Variants in SETD9 observed in about 807,000 individuals in gnomAD.
SETD9 encodes SET domain containing 9.
Under a neutral mutation model 36.4 loss-of-function variants are expected in SETD9, and 37 were observed. That is an observed-to-expected ratio of 1.02 (90% CI 0.78 to 1.34). The LOEUF is 1.34. SETD9 is among the 40% of genes most tolerant of loss of function. The pLI, the probability that SETD9 is intolerant of heterozygous loss-of-function variation, is 0.00. For synonymous variants in SETD9, 128 were observed against 132.9 expected, an observed-to-expected ratio of 0.96 and a Z score of 0.26; for missense variants, 323 against 353.2, an observed-to-expected ratio of 0.91 and a Z score of 0.69.
At position 56,911,192 on chromosome 5, in the gene SETD9, A is replaced by T. The variant is rs181384896; in HGVS notation, c.122A>T (p.Glu41Val). ...NPRTLRYVPE[E>V]SKDKVISDED... is the part of the protein sequence containing the mutation. ...AGGACCCTCCGATATGTTCCAGAGG[A>T]ATCCAAAGACAAAGTTATCTCAGAT... The change falls in exon 2 of 6, where the codon GAA (glutamate) becomes GTA (valine). Residue 41 changes from glutamate to valine, a missense_variant. Glu to Val is a moderately radical substitution (Grantham distance 121, BLOSUM62 -2). Transcript: ENST00000285947. 4.5e-6 allele frequency: 7 copies of T among 1,566,076 alleles called. No individual in the cohort carries two copies. The East Asian group carries it at 1.1e-4, about 25-fold the overall frequency.
At chr5:56,926,127 T>C (rs1749968702), downstream of SETD9, among the ~76,000 whole-genome samples, 1 of 151,988 alleles carries the variant, frequency 6.6e-6, no homozygotes. Context: ...TAAATGTAAA[T>C]GCAAAACTAT....
chr5:56,928,668 T>A, downstream of SETD9: 1 of 792,668 alleles, frequency 1.3e-6, no homozygotes, highest in Non-Finnish European at 2.0e-6. Context: ...TAAGGGAACA[T>A]TAGTAAGTTG....
downstream of SETD9, chr5:56,920,797 G>A (rs1018402012): frequency 6.6e-6 from 1 of 152,358 alleles, no homozygotes; most frequent in African/African-American, 2.4e-5. Flanking sequence ...AAAAAGATAT[G>A]AAGAATTTAC....
chr5:56,927,880 C>T (rs1274099542), downstream of SETD9: 2 of 152,234 alleles, frequency 1.3e-5, no homozygotes, highest in East Asian at 3.8e-4. Context: ...TCACTTCTCC[C>T]TCCTGCCTCG....
upstream of SETD9, chr5:56,909,345 C>T (rs1561214789): frequency 1.0e-5 from 3 of 291,486 alleles, no homozygotes; most frequent in Admixed American, 1.6e-4. Flanking sequence ...GGTGACCCTT[C>T]GCCCGCAACC....
downstream of SETD9, chr5:56,928,773 C>A: frequency 6.2e-7 from 1 of 1,610,296 alleles, no homozygotes; most frequent in Non-Finnish European, 8.5e-7. Flanking sequence ...TTACCTTATT[C>A]TTCTGTATAA....
chr5:56,920,924 C>G (rs1396133115), downstream of SETD9: 1 of 152,504 alleles, frequency 6.6e-6, no homozygotes, highest in Non-Finnish European at 1.5e-5. Context: ...ATTTAAAAAT[C>G]TATTAAACTA....
intron 3 of SETD9, 94 bp downstream of exon 3, chr5:56,913,228 T>G: frequency 7.2e-7 from 1 of 1,394,488 alleles, no homozygotes; most frequent in Non-Finnish European, 9.6e-7. Flanking sequence ...TTATTTATTT[T>G]TTATATAAAG....
rs369222962 is a variant in SETD9 at position 56,911,325 on chromosome 5, A to G, written c.255A>G (p.Lys85=). The change falls in exon 2 of 6, where the codon AAA becomes AAG. Residue 85 remains lysine (K), a synonymous_variant. Transcript: ENST00000285947. ...TGCTTCCAGAATCTGTTAAATCAAA[A>G]TATCAAGACCTACTGGCAGTTGAAC... ...LSMLPESVKS[K]YQDLLAVEHQ... 3 of 1,610,886 alleles carry G rather than the reference A, an allele frequency of 1.9e-6. No homozygotes were observed. The highest frequency in any genetic ancestry group is 2.5e-6 in the Non-Finnish European group (3 of 1,178,958).
downstream of SETD9, chr5:56,928,627 T>C (rs577718458): frequency 9.1e-6 from 5 of 548,164 alleles, no homozygotes; most frequent in South Asian, 9.5e-5. Context: ...CTGAGCAAAT[T>C]AGTCATGTTA....
chr5:56,918,498 C>A (rs536662738), downstream of SETD9, among the ~76,000 whole-genome samples: 3 of 152,326 alleles, frequency 2.0e-5, no homozygotes, highest in South Asian at 6.2e-4. Flanking sequence ...CTTCTAGTAA[C>A]AGATGTACTA....
exon 6 of SETD9, chr5:56,925,501 A>G (rs702679): frequency 0.54 from 138,275 of 255,178 alleles, 40,581 homozygotes; most frequent in Non-Finnish European, 0.65. Flanking sequence ...ACACAAGACC[A>G]TTTACATTAG....
At chr5:56,920,273 A>G (rs1038036928), downstream of SETD9, 1 of 152,610 alleles carries the variant, frequency 6.6e-6, no homozygotes, top group Non-Finnish European at 1.5e-5. Flanking sequence ...AAAAGCTAGC[A>G]TGAAAAAGAT....
At position 56,913,059 on chromosome 5, in the gene SETD9, A is replaced by G; in HGVS notation, c.515A>G (p.Asn172Ser). 6.2e-7 allele frequency: 1 copy of G among 1,614,024 alleles called. No individual in the cohort carries two copies. The highest frequency in any genetic ancestry group is 1.1e-5 in the South Asian group (1 of 91,080). The change falls in exon 3 of 6, where the codon AAT becomes AGT. Residue 172 changes from asparagine to serine, a missense_variant. By Grantham distance (46) the Asn-to-Ser change is conservative (BLOSUM62 1). Transcript: ENST00000285947. ...CCGATCTTTTTCCAGTCCATTGGAA[A>G]TCCGTTTATTTTTAGATGCCTGGAT... Reference protein sequence around the residue: ...YEPIFFQSIGNPFIFRCLDGV... With the variant: ...YEPIFFQSIGSPFIFRCLDGV...
chr5:56,915,892 G>T (rs1490103385), intron 5 of SETD9, among the ~76,000 whole-genome samples: 2 of 152,068 alleles, frequency 1.3e-5, no homozygotes, highest in African/African-American at 2.4e-5. Flanking sequence ...GACTTGGGAG[G>T]TGTATGTTGC....
In SETD9 at chr5:56,911,480, G is replaced by C. The variant is rs149334074; in HGVS notation, c.410G>C (p.Gly137Ala). Reference protein sequence around the residue: ...ATSSLISAGKGVFVTKGLVPK... With the variant: ...ATSSLISAGKAVFVTKGLVPK... ...AGCTCATTGATTTCTGCTGGAAAAG[G>C]TGTCTTCGTTACTAAAGGATTGGTA... Residue 137 changes from glycine to alanine, a missense_variant, in exon 2 of 6, where the codon GGT (glycine) becomes GCT (alanine). Physicochemically the swap from Gly to Ala is moderately conservative, Grantham distance 60. Transcript: ENST00000285947. 11 of 1,605,464 alleles carry C rather than the reference G, an allele frequency of 6.9e-6. No individual in the cohort carries two copies. In the Admixed American group the frequency reaches 1.5e-4, roughly 23 times the overall value.
intron 3 of SETD9, 75 bp downstream of exon 3, chr5:56,913,209 A>C: frequency 6.7e-7 from 1 of 1,485,478 alleles, no homozygotes; most frequent in Non-Finnish European, 9.1e-7. Context: ...GACTAATAGC[A>C]TTTGTACTTT....
In SETD9 at chr5:56,917,215, G is replaced by T; in HGVS notation, c.*313G>T. On this transcript the variant is annotated 3_prime_UTR_variant, in exon 6 of 6. Coordinates refer to ENST00000285947, the MANE Select transcript of SETD9 (RefSeq NM_153706.4). The stretch of plus-strand genomic sequence containing the variant: ...AATTTTTCTTTTGTTTATTTTGTAA[G>T]CTCTGTGGTGGTTTATAAAATTGTA... The T allele has an allele frequency of 9.5e-7, 1 of 1,057,030 alleles. No individual in the cohort carries two copies. Among genetic ancestry groups the T allele is most frequent in the Admixed American group, 5.9e-5 (1 of 17,050 alleles). The allele number at this position is 1,057,030 out of a possible 1,614,324, so 65.5% of individuals were successfully genotyped here. A position where few individuals can be genotyped will look rare whatever the true frequency, so the allele number is the denominator to read the frequency against.
chr5:56,911,911 A>G (rs1749150625), intron 2 of SETD9, among the ~76,000 whole-genome samples: 1 of 152,218 alleles, frequency 6.6e-6, no homozygotes. Flanking sequence ...CGGTAATCCC[A>G]GCACTTTGGG....
Sources: gnomAD v4.1 joint callset for allele counts (sites outside exome capture counted in the v4.1 genomes callset) on GRCh38, gnomAD v4.1.1 for gene constraint, MANE v1.5 for transcripts, NCBI Gene and HGNC (gene_info 2026-07-23, HGNC 2026-07-21) for gene names.